The following TRPC1 variants were observed in gnomAD, a reference collection of about 807,000 sequenced individuals.
TRPC1 encodes short transient receptor potential channel 1.
In TRPC1, 42 loss-of-function variants were observed where a neutral mutation model predicts 88.2. The ratio of observed to expected loss-of-function variants is 0.48; its 90% confidence interval spans 0.37 to 0.62. TRPC1 has a LOEUF of 0.62. Among genes scored for constraint, TRPC1 ranks in the 20% least tolerant of loss-of-function variants. The pLI is 0.00. For synonymous variants in TRPC1, 288 were observed against 331.8 expected, an observed-to-expected ratio of 0.87 and a Z score of 1.43; for missense variants, 699 against 957.3, an observed-to-expected ratio of 0.73 and a Z score of 3.56.
In TRPC1 at chr3:142,768,817, C is replaced by T. The variant is rs77710056; in HGVS notation, c.633-8815C>T. On this transcript the variant is annotated intron_variant, in intron 4 of 12. Transcript: ENST00000476941. Reference sequence around the variant, plus strand: ...ATTTCAAGTTGATATCGACTTAAAACGTAACAACTTTGCTTTCCCATTTTC... The same window carrying T: ...ATTTCAAGTTGATATCGACTTAAAATGTAACAACTTTGCTTTCCCATTTTC... 6.5e-3 allele frequency among the ~76,000 whole-genome samples: 984 copies of T among 152,090 alleles called. 6 individuals carry two copies. The highest frequency in any genetic ancestry group is 0.022 in the African/African-American group (899 of 41,510).
At chr3:142,728,769 C>T (rs1385295370) in intron 1 of TRPC1, among the ~76,000 whole-genome samples, 2 of 152,028 alleles carry the variant, frequency 1.3e-5, no homozygotes, top group African/African-American at 4.8e-5. Flanking sequence ...TTTTTAAACA[C>T]CTTATTTATA....
At chr3:142,803,412 G>C (rs565556164) in intron 10 of TRPC1, among the ~76,000 whole-genome samples, 1 of 152,200 alleles carries the variant, frequency 6.6e-6, no homozygotes, top group East Asian at 1.9e-4. Flanking sequence ...CAGAGGGGGA[G>C]TTGTAGGAAA....
chr3:142,724,607 C>CTCCTCCCTGCCTTCCTCTCCA lies in TRPC1; in HGVS notation c.54_74dup (p.Leu19_Ser25dup). 1.2e-6 allele frequency: 2 copies of CTCCTCCCTGCCTTCCTCTCCA among 1,608,762 alleles called. No individual in the cohort carries two copies. The highest frequency in any genetic ancestry group is 2.2e-5 in the South Asian group (2 of 90,218). ...GCACGGACCTCTCGGGCGCCTCCTCCTCCTCCCTGCCTTCCTCTCCATCCT... is the reference window on the plus strand; with the variant it reads ...GCACGGACCTCTCGGGCGCCTCCTCCTCCTCCCTGCCTTCCTCTCCATCCTCCCTGCCTTCCTCTCCATCCT... On this transcript the variant is annotated inframe_insertion, in exon 1 of 13. Transcript: ENST00000476941. The surrounding 1 kb of genome is among the most constrained non-coding windows in gnomAD (Gnocchi z 5.6).
chr3:142,724,855 C>T lies in TRPC1; in HGVS notation c.172+124C>T. 1 of 1,174,704 alleles carries T rather than the reference C, an allele frequency of 8.5e-7. No homozygotes were observed. The highest frequency in any genetic ancestry group is 1.9e-5 in the South Asian group (1 of 54,036). 72.8% of individuals were successfully genotyped at this position (1,174,704 alleles called of 1,614,324 possible). On this transcript the variant is annotated intron_variant, in intron 1 of 12. Transcript: ENST00000476941. The surrounding 1 kb of genome is among the most constrained non-coding windows in gnomAD (Gnocchi z 5.6). Reference sequence around the variant, plus strand: ...AGGCGCCGAGTGTCTTCCCGCCTCGCCTGCTGCCTCAGGCGGTCTTCTCCT... The same window carrying T: ...AGGCGCCGAGTGTCTTCCCGCCTCGTCTGCTGCCTCAGGCGGTCTTCTCCT...
intron 9 of TRPC1, among the ~76,000 whole-genome samples, chr3:142,794,727 G>A (rs748724852): frequency 2.0e-5 from 3 of 152,060 alleles, no homozygotes; most frequent in African/African-American, 7.2e-5. Flanking sequence ...ACACTACCTC[G>A]GGCAGGGAAA....
intron 4 of TRPC1, among the ~76,000 whole-genome samples, chr3:142,757,201 T>A (rs1935002319): frequency 1.3e-5 from 2 of 150,330 alleles, no homozygotes; most frequent in African/African-American, 2.5e-5. Flanking sequence ...TGCAGATGTT[T>A]CTTGGCTATA....
intron 6 of TRPC1, among the ~76,000 whole-genome samples, chr3:142,784,161 A>G (rs555232583): frequency 2.1e-4 from 32 of 152,220 alleles, no homozygotes; most frequent in Non-Finnish European, 3.2e-4. Flanking sequence ...GCTTCTGGTA[A>G]CTAAAATCAA....
At chr3:142,804,932 C>G (rs1936741881) in intron 12 of TRPC1, among the ~76,000 whole-genome samples, 1 of 152,002 alleles carries the variant, frequency 6.6e-6, no homozygotes, top group South Asian at 2.1e-4. Flanking sequence ...GAAACCCCAT[C>G]TCTACTAAAA....
intron 7 of TRPC1, among the ~76,000 whole-genome samples, chr3:142,787,750 T>C (rs568195414): frequency 6.6e-6 from 1 of 152,320 alleles, no homozygotes; most frequent in South Asian, 2.1e-4. Context: ...AAAAATGGAT[T>C]AAGTGCTATT....
chr3:142,760,341 C>T (rs749267615), intron 4 of TRPC1, among the ~76,000 whole-genome samples: 4 of 152,164 alleles, frequency 2.6e-5, no homozygotes, highest in Non-Finnish European at 5.9e-5. Flanking sequence ...AAAAGACTAT[C>T]CTTTCCCCAA....
intron 4 of TRPC1, 22 bp downstream of exon 4, chr3:142,748,482 T>C (rs1934637736): frequency 1.9e-6 from 3 of 1,605,294 alleles, no homozygotes; most frequent in Non-Finnish European, 2.6e-6. Context: ...AAACTTTTGA[T>C]AAATAGATGT....
intron 4 of TRPC1, among the ~76,000 whole-genome samples, chr3:142,770,928 G>A (rs995608119): frequency 3.9e-5 from 6 of 152,212 alleles, no homozygotes; most frequent in Admixed American, 1.3e-4. Context: ...GCCAGCATCT[G>A]CTTCTGTTAA....
At chr3:142,755,547 C>T (rs1004632260) in intron 4 of TRPC1, among the ~76,000 whole-genome samples, 2 of 152,194 alleles carry the variant, frequency 1.3e-5, no homozygotes, top group African/African-American at 4.8e-5. Flanking sequence ...GAATTCCATT[C>T]ATGTTTCCTT....
At chr3:142,754,265 A>G (rs920121882) in intron 4 of TRPC1, among the ~76,000 whole-genome samples, 1 of 152,194 alleles carries the variant, frequency 6.6e-6, no homozygotes, top group East Asian at 1.9e-4. Context: ...TCAATATTTG[A>G]TGTATTTTGA....
intron 4 of TRPC1, among the ~76,000 whole-genome samples, chr3:142,755,016 GTTCAATCCCAATT>G (rs1360293259): frequency 3.9e-5 from 6 of 152,146 alleles, no homozygotes; most frequent in African/African-American, 1.4e-4. Flanking sequence ...GGGAAGTATT[GTTCAATCCCAATT>G]TTCAATCCCA....
rs779599005 is a variant in TRPC1 at position 142,802,168 on chromosome 3, G to T, written c.1582-1G>T. 1.3e-6 allele frequency: 2 copies of T among 1,557,922 alleles called. No individual in the cohort carries two copies. Among genetic ancestry groups the T allele is most frequent in the Admixed American group, 4.1e-5 (2 of 48,758 alleles). Reference sequence around the variant, plus strand: ...GAACACCTGTGTAATATATTCCACAGATTTCAATGGGACAGATGTTACAAG... The same window carrying T: ...GAACACCTGTGTAATATATTCCACATATTTCAATGGGACAGATGTTACAAG... On this transcript the variant is annotated splice_acceptor_variant, in intron 9 of 12. Transcript: ENST00000476941. LOFTEE classifies it high-confidence loss of function.
chr3:142,732,560 C>G (rs995132393), intron 1 of TRPC1, among the ~76,000 whole-genome samples: 1 of 151,936 alleles, frequency 6.6e-6, no homozygotes, highest in African/African-American at 2.4e-5. Flanking sequence ...GGAGGAAGAT[C>G]ATGGGGGTTT....
chr3:142,731,470 C>T (rs1249869202), intron 1 of TRPC1, among the ~76,000 whole-genome samples: 3 of 149,576 alleles, frequency 2.0e-5, no homozygotes, highest in Admixed American at 6.7e-5. Flanking sequence ...CTGCAAGCTC[C>T]GCCTCCCACG....
intron 7 of TRPC1, among the ~76,000 whole-genome samples, chr3:142,786,546 C>T (rs1936138205): frequency 6.6e-6 from 1 of 151,804 alleles, no homozygotes; most frequent in Admixed American, 6.6e-5. Context: ...TTTTTATTTC[C>T]TGTAGTTTTG....
Sources: allele counts gnomAD v4.1 joint callset (sites outside exome capture counted in the v4.1 genomes callset), GRCh38; gene constraint gnomAD v4.1.1; non-coding constraint Gnocchi (gnomAD v3.1); transcripts MANE v1.5; gene names NCBI Gene and HGNC (gene_info 2026-07-23, HGNC 2026-07-21).